CLVS1: variants seen among roughly 807,000 people sequenced by gnomAD.
The protein encoded by CLVS1 is clavesin 1.
CLVS1 carries 10 observed loss-of-function variants against 33.1 expected under a neutral mutation model. The observed-to-expected ratio is 0.30, with a 90% CI of 0.19 to 0.51. The LOEUF (loss-of-function observed/expected upper bound fraction) is 0.51. Ranked by LOEUF, CLVS1 falls within the 20% of genes least tolerant of loss-of-function variation. CLVS1 has a pLI of 0.97. For synonymous variants in CLVS1, 163 were observed against 166.1 expected (o/e 0.98, Z 0.14); for missense variants, 343 against 433.4 (o/e 0.79, Z 1.85).
intron 1 of CLVS1, among the ~76,000 whole-genome samples, chr8:61,118,547 G>A (rs376666375): frequency 3.4e-4 from 52 of 151,064 alleles, no homozygotes; most frequent in Middle Eastern, 3.4e-3. Flanking sequence ...CTTTGAATGC[G>A]TCCCAGAGAT....
At chr8:61,190,730 A>C (rs184325555) in intron 2 of CLVS1, among the ~76,000 whole-genome samples, 1 of 152,368 alleles carries the variant, frequency 6.6e-6, no homozygotes, top group Admixed American at 6.5e-5. Context: ...CTACCATCAG[A>C]TAATACTATA....
intron 3 of CLVS1, among the ~76,000 whole-genome samples, chr8:61,381,640 CTA>C (rs906951790): frequency 3.3e-5 from 5 of 152,082 alleles, no homozygotes; most frequent in Non-Finnish European, 7.4e-5. Flanking sequence ...TTCTTTGTGT[CTA>C]TGTGTACTCA....
At chr8:61,217,747 T>C (rs1462453559) in intron 2 of CLVS1, among the ~76,000 whole-genome samples, 2 of 152,038 alleles carry the variant, frequency 1.3e-5, no homozygotes, top group East Asian at 1.9e-4. Context: ...AAAATATTTG[T>C]AAACTACTTA....
rs368790455 is a variant in CLVS1, at chr8:61,413,135, A to G, written c.630+36356A>G. On this transcript the variant is annotated intron_variant, in intron 3 of 5. Transcript: ENST00000325897. ...AAATTAGCGAGTCTGGAGAAGTAGC[A>G]TTTCACTTAGTACTGAGAGGGTGGA... 2.2e-4 allele frequency among the ~76,000 whole-genome samples: 33 copies of G among 152,294 alleles called. No individual in the cohort carries two copies. In the East Asian group the frequency reaches 5.0e-3, roughly 23 times the overall value.
At chr8:61,058,130 G>T (rs1309983329) in intron 1 of CLVS1, among the ~76,000 whole-genome samples, 1 of 152,214 alleles carries the variant, frequency 6.6e-6, no homozygotes, top group Non-Finnish European at 1.5e-5. Flanking sequence ...TGTTCAGCAG[G>T]CTGAACTGTA....
intron 2 of CLVS1, among the ~76,000 whole-genome samples, chr8:61,316,609 A>G (rs1475660492): frequency 6.6e-6 from 1 of 152,250 alleles, no homozygotes; most frequent in Non-Finnish European, 1.5e-5. Flanking sequence ...TAATGAAAAT[A>G]AAGGAAGTGT....
chr8:61,146,589 G>A (rs962210435), intron 2 of CLVS1, among the ~76,000 whole-genome samples: 4 of 152,212 alleles, frequency 2.6e-5, no homozygotes, highest in Admixed American at 6.5e-5. Context: ...GTAGCATGGT[G>A]AAATAAAATA....
At chr8:61,257,680 T>C (rs1281821457) in intron 2 of CLVS1, among the ~76,000 whole-genome samples, 2 of 151,878 alleles carry the variant, frequency 1.3e-5, no homozygotes, top group African/African-American at 4.8e-5. Flanking sequence ...AGCTGAATAA[T>C]TAAGAGGAAG....
At chr8:61,203,813 C>T (rs1300976795) in intron 2 of CLVS1, among the ~76,000 whole-genome samples, 1 of 152,166 alleles carries the variant, frequency 6.6e-6, no homozygotes, top group African/African-American at 2.4e-5. Flanking sequence ...TTGCTAGCAT[C>T]TCATATGAGA....
intron 2 of CLVS1, among the ~76,000 whole-genome samples, chr8:61,280,229 G>A (rs1809643180): frequency 6.6e-6 from 1 of 152,172 alleles, no homozygotes; most frequent in East Asian, 1.9e-4. Context: ...TGGTATTGAT[G>A]AGTTATTTTA....
chr8:61,482,853 A>G (rs551151989), intron 5 of CLVS1, among the ~76,000 whole-genome samples: 2 of 152,340 alleles, frequency 1.3e-5, no homozygotes, highest in Admixed American at 1.3e-4. Flanking sequence ...TGGGTATATA[A>G]CGAAATGAAG....
At chr8:61,193,783 T>C (rs778274986) in intron 2 of CLVS1, among the ~76,000 whole-genome samples, 1 of 151,894 alleles carries the variant, frequency 6.6e-6, no homozygotes, top group African/African-American at 2.4e-5. Context: ...CACACTCTAA[T>C]AGAAAGTCTA....
the CLVS1 span, among the ~76,000 whole-genome samples, chr8:61,006,571 G>T: frequency 6.6e-6 from 1 of 152,270 alleles, no homozygotes; most frequent in Non-Finnish European, 1.5e-5. Context: ...GATGAAGAAG[G>T]GCATCCCATC....
At chr8:61,386,238 G>A (rs1814078776) in intron 3 of CLVS1, among the ~76,000 whole-genome samples, 1 of 152,154 alleles carries the variant, frequency 6.6e-6, no homozygotes, top group South Asian at 2.1e-4. Context: ...GTAGTTTGGG[G>A]TGTGAGGGTA....
At chr8:61,356,733 G>T (rs988183366) in intron 2 of CLVS1, among the ~76,000 whole-genome samples, 2 of 152,092 alleles carry the variant, frequency 1.3e-5, no homozygotes, top group South Asian at 4.2e-4. Flanking sequence ...GTAGATGTGC[G>T]GCATTATTTC....
intron 3 of CLVS1, among the ~76,000 whole-genome samples, chr8:61,416,079 A>G (rs1176631465): frequency 1.3e-5 from 2 of 152,208 alleles, no homozygotes; most frequent in East Asian, 3.9e-4. Flanking sequence ...GAGGAATCCT[A>G]GCCACCTGCA....
At chr8:61,228,130 C>T (rs1023875873) in intron 2 of CLVS1, among the ~76,000 whole-genome samples, 1 of 152,000 alleles carries the variant, frequency 6.6e-6, no homozygotes, top group Non-Finnish European at 1.5e-5. Context: ...CTTTTTGTTT[C>T]ATTTTTCTAG....
chr8:60,978,165 G>A, the CLVS1 span, among the ~76,000 whole-genome samples: 2 of 152,198 alleles, frequency 1.3e-5, no homozygotes, highest in Non-Finnish European at 2.9e-5. Context: ...CTTTCAGGCT[G>A]AAAAGAAAGG....
chr8:61,314,537 TA>T (rs1353257418), intron 2 of CLVS1, among the ~76,000 whole-genome samples: 1 of 152,054 alleles, frequency 6.6e-6, no homozygotes, highest in Non-Finnish European at 1.5e-5. Flanking sequence ...AAAAATAAAA[TA>T]AAATAAAAAT....
Sources: allele counts gnomAD v4.1 joint callset (sites outside exome capture counted in the v4.1 genomes callset), GRCh38; gene constraint gnomAD v4.1.1; transcripts MANE v1.5; gene names NCBI Gene and HGNC (gene_info 2026-07-23, HGNC 2026-07-21).